Variants in SAMD5 observed in about 807,000 individuals in gnomAD.
SAMD5 encodes sterile alpha motif domain containing 5.
Under a neutral mutation model 11.3 loss-of-function variants are expected in SAMD5, and 13 were observed. The observed-to-expected ratio is 1.15, with a 90% CI of 0.75 to 1.83. The LOEUF (loss-of-function observed/expected upper bound fraction) is 1.83. Ranked by LOEUF, SAMD5 falls within the 40% of genes most tolerant of loss-of-function variation. SAMD5 has a pLI of 0.00. For synonymous variants in SAMD5, 129 were observed against 111.3 expected (o/e 1.16, Z -1.00); for missense variants, 255 against 239.1 (o/e 1.07, Z -0.44).
chr6:147,882,916 C>A, the SAMD5 span, among the ~76,000 whole-genome samples: 2 of 152,160 alleles, frequency 1.3e-5, no homozygotes, highest in Non-Finnish European at 2.9e-5. Context: ...TTGAGAAGAT[C>A]AAAATATATG....
At chr6:147,887,660 G>A in the SAMD5 span, among the ~76,000 whole-genome samples, 1 of 152,130 alleles carries the variant, frequency 6.6e-6, no homozygotes, top group Non-Finnish European at 1.5e-5. Context: ...CTTTGTATAG[G>A]CATATGCTTT....
At chr6:147,592,291 C>T (rs1030644709) in intron 1 of SAMD5, among the ~76,000 whole-genome samples, 2 of 152,056 alleles carry the variant, frequency 1.3e-5, no homozygotes, top group African/African-American at 2.4e-5. Flanking sequence ...TGAATTGTTC[C>T]ACTCCCCTAG....
At chr6:147,816,280 C>CAA in the SAMD5 span, among the ~76,000 whole-genome samples, 3 of 12,728 alleles carry the variant, frequency 2.4e-4, no homozygotes, top group African/African-American at 8.7e-4. Flanking sequence ...AACTCCGTCT[C>CAA]CAAAAAAAAA....
At chr6:147,693,440 C>T (rs991217412) in intron 1 of SAMD5, among the ~76,000 whole-genome samples, 1 of 152,218 alleles carries the variant, frequency 6.6e-6, no homozygotes, top group African/African-American at 2.4e-5. Flanking sequence ...TGCTGCAGAG[C>T]CCCACGTCCT....
In SAMD5 at chr6:147,510,716, T is replaced by C. The variant is rs1365148538; in HGVS notation, c.459+1329T>C. ...ATTATCTACTACCTTGCACGTACCA[T>C]AGGCAATTCAGATCACCTGCTTGAC... On this transcript the variant is annotated intron_variant, in intron 1 of 1. Transcript: ENST00000367474. Among the ~76,000 whole-genome samples, 6 of 152,204 alleles carry C rather than the reference T, an allele frequency of 3.9e-5. 1 individual carries two copies. The highest frequency in any genetic ancestry group is 2.0e-4 in the Admixed American group (3 of 15,284).
At chr6:147,942,078 T>C in the SAMD5 span, among the ~76,000 whole-genome samples, 1 of 152,044 alleles carries the variant, frequency 6.6e-6, no homozygotes, top group African/African-American at 2.4e-5. Flanking sequence ...TTCACCATGT[T>C]GGTTGGTCAG....
At chr6:147,858,650 T>A in the SAMD5 span, among the ~76,000 whole-genome samples, 2 of 152,200 alleles carry the variant, frequency 1.3e-5, no homozygotes, top group African/African-American at 4.8e-5. Flanking sequence ...CAATCACCCA[T>A]CAGCTCTTCT....
chr6:147,601,088 T>C (rs1789608010), intron 1 of SAMD5, among the ~76,000 whole-genome samples: 2 of 152,222 alleles, frequency 1.3e-5, no homozygotes, highest in Admixed American at 1.3e-4. Flanking sequence ...AGCTTTCTAT[T>C]GGTTTCATTT....
the SAMD5 span, among the ~76,000 whole-genome samples, chr6:147,944,221 G>A: frequency 6.6e-6 from 1 of 152,094 alleles, no homozygotes; most frequent in Non-Finnish European, 1.5e-5. Flanking sequence ...TCCTCTCTTA[G>A]CATCTGTATT....
chr6:147,841,226 T>C, the SAMD5 span, among the ~76,000 whole-genome samples: 1 of 152,314 alleles, frequency 6.6e-6, no homozygotes, highest in South Asian at 2.1e-4. Flanking sequence ...TTTCTTGGTC[T>C]GAAGCAAAAA....
At chr6:147,872,196 C>T in the SAMD5 span, among the ~76,000 whole-genome samples, 1 of 152,076 alleles carries the variant, frequency 6.6e-6, no homozygotes, top group East Asian at 1.9e-4. Flanking sequence ...ACCTTGAATT[C>T]CTGGGCTCAA....
At chr6:147,893,232 G>A in the SAMD5 span, among the ~76,000 whole-genome samples, 1 of 151,648 alleles carries the variant, frequency 6.6e-6, no homozygotes, top group African/African-American at 2.4e-5. Context: ...CTCAGTATGT[G>A]TCAGGGACTC....
chr6:147,634,831 A>C (rs901444805), intron 1 of SAMD5, among the ~76,000 whole-genome samples: 31 of 152,196 alleles, frequency 2.0e-4, no homozygotes, highest in Admixed American at 2.0e-3. Flanking sequence ...AAGGTTGTTT[A>C]GGGAAGAGAG....
intron 1 of SAMD5, among the ~76,000 whole-genome samples, chr6:147,649,777 C>T (rs560735020): frequency 1.0e-4 from 14 of 135,540 alleles, no homozygotes; most frequent in South Asian, 2.5e-4. Flanking sequence ...GGCAATAGAG[C>T]GAGACAACGT....
At chr6:147,949,934 C>A in the SAMD5 span, among the ~76,000 whole-genome samples, 1 of 152,156 alleles carries the variant, frequency 6.6e-6, no homozygotes, top group Non-Finnish European at 1.5e-5. Context: ...TAATTAATTT[C>A]TTTCCTCTAG....
chr6:147,897,899 C>G, the SAMD5 span, among the ~76,000 whole-genome samples: 2 of 134,390 alleles, frequency 1.5e-5, no homozygotes, highest in East Asian at 4.7e-4. Flanking sequence ...GAGTAGAGAT[C>G]GGGCCACTGC....
chr6:147,650,722 A>G (rs547833607), intron 1 of SAMD5, among the ~76,000 whole-genome samples: 1 of 152,318 alleles, frequency 6.6e-6, no homozygotes, highest in East Asian at 1.9e-4. Context: ...GATGGTGGAA[A>G]CATTCACAGA....
intron 1 of SAMD5, among the ~76,000 whole-genome samples, chr6:147,601,344 T>G (rs1445609280): frequency 6.6e-6 from 1 of 152,092 alleles, no homozygotes; most frequent in African/African-American, 2.4e-5. Flanking sequence ...ATCAGATTTT[T>G]TTTTTTTGCT....
chr6:147,915,993 C>T, the SAMD5 span, among the ~76,000 whole-genome samples: 1 of 148,564 alleles, frequency 6.7e-6, no homozygotes, highest in Non-Finnish European at 1.5e-5. Flanking sequence ...TGAGTGAGAA[C>T]ATGCGGTGTT....
Sources: gnomAD v4.1 joint callset for allele counts (sites outside exome capture counted in the v4.1 genomes callset) on GRCh38, gnomAD v4.1.1 for gene constraint, MANE v1.5 for transcripts, NCBI Gene and HGNC (gene_info 2026-07-23, HGNC 2026-07-21) for gene names.